The following MAN2B1 variants were observed in gnomAD, a reference collection of about 807,000 sequenced individuals.
The protein encoded by MAN2B1 is lysosomal alpha-mannosidase.
A neutral mutation model predicts 127.5 loss-of-function variants in MAN2B1; 99 were observed. That is an observed-to-expected ratio of 0.78 (90% confidence interval 0.66 to 0.92). The LOEUF (loss-of-function observed/expected upper bound fraction) is 0.92. Among genes scored for constraint, MAN2B1 ranks in the 40% least tolerant of loss-of-function variants. The pLI is 0.00. For synonymous variants in MAN2B1, 573 were observed against 568.8 expected (o/e 1.01, Z -0.11); for missense variants, 1,304 against 1,384.8 (o/e 0.94, Z 0.93).
chr19:12,658,100 G>C lies in MAN2B1; in HGVS notation c.1272C>G (p.Asn424Lys). 1 of 1,613,248 alleles carries C rather than the reference G, an allele frequency of 6.2e-7. No individual in the cohort carries two copies. Residue 424 changes from asparagine to lysine, a missense_variant, in exon 10 of 24, where the codon AAC becomes AAG. Asn to Lys is a moderately conservative substitution (Grantham distance 94, BLOSUM62 0). Transcript: ENST00000456935. ...QLEALVGLAANVGPYGSGDSA... is the reference protein window; with the variant it reads ...QLEALVGLAAKVGPYGSGDSA... Reference sequence around the variant, plus strand: ...TGTCTCCGGAGCCATAGGGTCCCACGTTGGCCGCCAGGCCCACCAGCGCCT... The same window carrying C: ...TGTCTCCGGAGCCATAGGGTCCCACCTTGGCCGCCAGGCCCACCAGCGCCT...
chr19:12,652,494 TG>T (rs1568300698), intron 14 of MAN2B1, 34 bp from the exon 15 acceptor site: 1 of 1,388,418 alleles, frequency 7.2e-7, no homozygotes, highest in Non-Finnish European at 1.0e-6. Context: ...TGGGTTTGTG[TG>T]TGTATGTGTG....
At chr19:12,656,843 T>G in intron 12 of MAN2B1, 106 bp downstream of exon 12, 1 of 1,106,822 alleles carries the variant, frequency 9.0e-7, no homozygotes, top group Non-Finnish European at 1.4e-6. Context: ...TGACCCAGCT[T>G]CGCAGCCCAC....
At chr19:12,666,291 A>G (rs1046174136) in intron 1 of MAN2B1, among the ~76,000 whole-genome samples, 2 of 151,818 alleles carry the variant, frequency 1.3e-5, no homozygotes, top group African/African-American at 2.4e-5. Flanking sequence ...TGCCCCTCCA[A>G]TCCCACAGTT....
rs923675959 is a variant in MAN2B1 at position 12,661,132 on chromosome 19, T to C, written c.1026+128A>G. The stretch of plus-strand genomic sequence containing the variant: ...TTTTGAGCTGCTAAGTGTGTGGTCA[T>C]TTGTTATAGAATGACCACAATAGAA... On this transcript the variant is annotated intron_variant, in intron 7 of 23. Coordinates refer to ENST00000456935, the MANE Select transcript of MAN2B1 (RefSeq NM_000528.4). 79 of 756,612 alleles carry C rather than the reference T, an allele frequency of 1.0e-4. 1 individual carries two copies. The highest frequency in any genetic ancestry group is 3.1e-4 in the South Asian group (23 of 73,404). 46.9% of individuals were successfully genotyped at this position (756,612 alleles called of 1,614,324 possible).
At position 12,649,956 on chromosome 19, in the gene MAN2B1, G is replaced by A. The variant is rs767192781; in HGVS notation, c.2224C>T (p.Arg742Cys). 23 of 1,613,306 alleles carry A rather than the reference G, an allele frequency of 1.4e-5. No individual in the cohort carries two copies. The highest frequency in any genetic ancestry group is 8.3e-5 in the Admixed American group (5 of 59,940). ...CGGCCATTGCTGTCTGTGTAGAAGC[G>A]TCCCTTTGTCTCCAGCGGTGTGTCA... Reference protein sequence around the residue: ...RFDTPLETKGRFYTDSNGREI... With the variant: ...RFDTPLETKGCFYTDSNGREI... The change falls in exon 18 of 24, where the codon CGC becomes TGC. Residue 742 changes from arginine to cysteine, a missense_variant. Coordinates refer to ENST00000456935, the MANE Select transcript of MAN2B1 (RefSeq NM_000528.4).
chr19:12,666,716 C>T lies in MAN2B1; in HGVS notation c.-15G>A. 1 of 1,546,946 alleles carries T rather than the reference C, an allele frequency of 6.5e-7. No homozygotes were observed. Among genetic ancestry groups the T allele is most frequent in the Non-Finnish European group, 8.7e-7 (1 of 1,146,160 alleles). On this transcript the variant is annotated 5_prime_UTR_variant, in exon 1 of 24. Transcript: ENST00000456935. ...TAGGCGCCCATGGCTCAGCAGCTTCCTCCTGGGGTTCCCCGGCCCTGGAAA... is the reference window on the plus strand; with the variant it reads ...TAGGCGCCCATGGCTCAGCAGCTTCTTCCTGGGGTTCCCCGGCCCTGGAAA...
intron 18 of MAN2B1, 102 bp downstream of exon 18, chr19:12,649,811 T>G: frequency 9.8e-7 from 1 of 1,017,492 alleles, no homozygotes; most frequent in Non-Finnish European, 1.6e-6. Context: ...TCTCCCTTCG[T>G]CCTCTGTCTC....
At chr19:12,652,332 C>T (rs778623317) in intron 15 of MAN2B1, 31 bp downstream of exon 15, 2 of 1,608,648 alleles carry the variant, frequency 1.2e-6, no homozygotes, top group Non-Finnish European at 1.7e-6. Context: ...GCACCACCAC[C>T]CCACCCTCAG....
chr19:12,649,385 C>T lies in MAN2B1; in HGVS notation c.2311G>A (p.Val771Met), dbSNP rs140843669. 5.0e-6 allele frequency: 8 copies of T among 1,612,728 alleles called. No individual in the cohort carries two copies. Among genetic ancestry groups the T allele is most frequent in the Admixed American group, 1.7e-5 (1 of 59,834 alleles). ...TTGACTGGATAGTAGTTTCCTGCCA[C>T]GGGCTCCGTCTGGTTCAGTTTCCAG... ...PTWKLNQTEP[V>M]AGNYYPVNTR... The change falls in exon 19 of 24, where the codon GTG (valine) becomes ATG (methionine). Residue 771 changes from valine to methionine, a missense_variant. Coordinates refer to ENST00000456935, the MANE Select transcript of MAN2B1 (RefSeq NM_000528.4).
At position 12,649,865 on chromosome 19, in the gene MAN2B1, C is replaced by G. The variant is rs373539727; in HGVS notation, c.2267+48G>C. On this transcript the variant is annotated intron_variant, in intron 18 of 23. Transcript: ENST00000456935. The stretch of plus-strand genomic sequence containing the variant: ...CAAATTTCCCTCACCACCCCTGGGC[C>G]CCAACACACCACAGACCACCCCCTC... The G allele has an allele frequency of 6.8e-6, 10 of 1,478,610 alleles. No individual in the cohort carries two copies. The East Asian group carries it at 9.0e-5, about 13-fold the overall frequency. The allele number at this position is 1,478,610 out of a possible 1,614,324, so 91.6% of individuals were successfully genotyped here. A position where few individuals can be genotyped will look rare whatever the true frequency, so the allele number is the denominator to read the frequency against.
rs1599340883 is a variant in MAN2B1, at chr19:12,649,367, G to A, written c.2329C>T (p.Pro777Ser). 1.9e-6 allele frequency: 3 copies of A among 1,613,668 alleles called. No individual in the cohort carries two copies. The Middle Eastern group carries it at 5.0e-4, about 267-fold the overall frequency. ...QTEPVAGNYYPVNTRIYITDG... is the reference protein window; with the variant it reads ...QTEPVAGNYYSVNTRIYITDG... ...GTGATGTAAATCCGGGTGTTGACTG[G>A]ATAGTAGTTTCCTGCCACGGGCTCC... Residue 777 changes from proline to serine, a missense_variant, in exon 19 of 24, where the codon CCA (proline) becomes TCA (serine). By Grantham distance (74) the Pro-to-Ser change is moderately conservative. Transcript: ENST00000456935.
At chr19:12,650,044 G>A in intron 17 of MAN2B1, 30 bp from the exon 18 acceptor site, 1 of 1,610,668 alleles carries the variant, frequency 6.2e-7, no homozygotes, top group Middle Eastern at 1.7e-4. Context: ...AAGGTTGTGA[G>A]CCTTGGATAA....
In MAN2B1 at chr19:12,652,388, G is replaced by A. The variant is rs556533847; in HGVS notation, c.1903C>T (p.Leu635=). ...EIMNMNQQLL[L]PVRQTFFWYN... ...CAGAAGAAGGTCTGGCGAACAGGCA[G>A]CAGGAGTTGCTGATTCATGTTCATA... Residue 635 remains leucine (L), a synonymous_variant, in exon 15 of 24, where the codon CTG becomes TTG. Transcript: ENST00000456935. The A allele has an allele frequency of 1.9e-6, 3 of 1,614,110 alleles. No individual in the cohort carries two copies. Among genetic ancestry groups the A allele is most frequent in the South Asian group, 1.1e-5 (1 of 91,076 alleles).
chr19:12,658,195 A>C (rs749032460), intron 9 of MAN2B1, 29 bp downstream of exon 9: 1 of 1,613,642 alleles, frequency 6.2e-7, no homozygotes, highest in East Asian at 2.2e-5. Flanking sequence ...TCGGGGCTGC[A>C]TGCCCCCTCT....
intron 7 of MAN2B1, among the ~76,000 whole-genome samples, chr19:12,659,588 C>T (rs926530533): frequency 2.6e-5 from 4 of 151,328 alleles, no homozygotes; most frequent in East Asian, 2.0e-4. Context: ...GAGGCCAAGG[C>T]GGACGGATCA....
At position 12,657,500 on chromosome 19, in the gene MAN2B1, C is replaced by G; in HGVS notation, c.1365G>C (p.Gln455His). ...GGCGCGCGTAGTCGTTGGCCACGTG[C>G]TGGCGGGAGGTGCCGCTGACGGCGT... is the stretch of plus-strand genomic sequence containing the variant. ...HHDAVSGTSR[Q>H]HVANDYARQL... Residue 455 changes from glutamine to histidine, a missense_variant, in exon 11 of 24, where the codon CAG (glutamine) becomes CAC (histidine). Physicochemically the swap from Gln to His is conservative, Grantham distance 24. Transcript: ENST00000456935. 6.4e-7 allele frequency: 1 copy of G among 1,571,624 alleles called. No homozygotes were observed. The highest frequency in any genetic ancestry group is 8.6e-7 in the Non-Finnish European group (1 of 1,159,054).
At chr19:12,649,478 T>TA in intron 18 of MAN2B1, 50 bp from the exon 19 acceptor site, 8 of 174,288 alleles carry the variant, frequency 4.6e-5, no homozygotes, top group Non-Finnish European at 9.1e-5. Context: ...TCCCCAACTC[T>TA]TTTTTTTTTT....
At chr19:12,662,138 C>G (rs1212975560) in intron 6 of MAN2B1, among the ~76,000 whole-genome samples, 1 of 152,006 alleles carries the variant, frequency 6.6e-6, no homozygotes, top group Non-Finnish European at 1.5e-5. Context: ...AGCCACCATG[C>G]CCAGCCATCA....
rs1447566396 is a variant in MAN2B1, at chr19:12,663,696, C to T, written c.763+7G>A. On this transcript the variant is annotated splice_region_variant and intron_variant, in intron 5 of 23. Coordinates refer to ENST00000456935, the MANE Select transcript of MAN2B1 (RefSeq NM_000528.4). ...ATGGCTGGCCCTGCCCTCACCAAGC[C>T]CCCTACCAGTGAAGAGGTCCGCGGT... 1 of 1,607,038 alleles carries T rather than the reference C, an allele frequency of 6.2e-7. No individual in the cohort carries two copies. Among genetic ancestry groups the T allele is most frequent in the South Asian group, 1.1e-5 (1 of 90,486 alleles).
Sources: allele counts gnomAD v4.1 joint callset (sites outside exome capture counted in the v4.1 genomes callset), GRCh38; gene constraint gnomAD v4.1.1; transcripts MANE v1.5; gene names NCBI Gene and HGNC (gene_info 2026-07-23, HGNC 2026-07-21).